Variants in PALS2 observed in about 807,000 individuals in gnomAD.
The protein encoded by PALS2 is protein associated with LIN7 2, MAGUK p55 family member.
A neutral mutation model predicts 61.6 loss-of-function variants in PALS2; 27 were observed. The observed-to-expected ratio is 0.44, with a 90% CI of 0.32 to 0.60. The LOEUF is 0.60. Ranked by LOEUF, PALS2 falls within the 20% of genes least tolerant of loss-of-function variation. The pLI is 0.05. For synonymous variants in PALS2, 236 were observed against 218.6 expected, an observed-to-expected ratio of 1.08 and a Z score of -0.70; for missense variants, 554 against 639.4, an observed-to-expected ratio of 0.87 and a Z score of 1.44.
At chr7:24,641,927 A>G in intron 3 of PALS2, 59 bp downstream of exon 3, 1 of 1,534,166 alleles carries the variant, frequency 6.5e-7, no homozygotes, top group Non-Finnish European at 8.9e-7. Flanking sequence ...ATTCTCCTTT[A>G]CTTTCCAGTT....
rs572159968 is a variant in PALS2 at position 24,692,185 on chromosome 7, A to G, written c.*4571A>G. 308 of 152,298 alleles carry G rather than the reference A, an allele frequency of 2.0e-3. No individual in the cohort carries two copies. Among genetic ancestry groups the G allele is most frequent in the African/African-American group, 6.9e-3 (287 of 41,572 alleles). The allele number at this position is 152,298 out of a possible 1,614,324, so 9.4% of individuals were successfully genotyped here. A position where few individuals can be genotyped will look rare whatever the true frequency, so the allele number is the denominator to read the frequency against. ...AGTCCTTAATATACTAAACAGTGAA[A>G]GAATGATGATATCTCATTTCTAAAG... On this transcript the variant is annotated 3_prime_UTR_variant, in exon 12 of 12. Coordinates refer to ENST00000222644, the MANE Select transcript of PALS2 (RefSeq NM_001303037.2).
chr7:24,655,396 C>A (rs1786363260), intron 5 of PALS2, among the ~76,000 whole-genome samples: 1 of 151,920 alleles, frequency 6.6e-6, no homozygotes, highest in African/African-American at 2.4e-5. Flanking sequence ...GTTTGTGAAC[C>A]CAGGATTCAG....
intron 1 of PALS2, among the ~76,000 whole-genome samples, chr7:24,607,595 G>GTATGTGTATATATACATATA (rs1783958601): frequency 7.6e-6 from 1 of 131,496 alleles, no homozygotes; most frequent in Admixed American, 7.2e-5. Context: ...ATACATATAT[G>GTATGTGTATATATACATATA]TGTGTGTATA....
intron 1 of PALS2, among the ~76,000 whole-genome samples, chr7:24,604,137 G>T (rs1185017137): frequency 6.7e-6 from 1 of 149,472 alleles, no homozygotes; most frequent in African/African-American, 2.5e-5. Flanking sequence ...CTTGAGCCCG[G>T]TAGTTCAAGA....
chr7:24,613,122 T>C (rs1274800649), intron 1 of PALS2, among the ~76,000 whole-genome samples: 1 of 149,814 alleles, frequency 6.7e-6, no homozygotes, highest in African/African-American at 2.5e-5. Flanking sequence ...TTTTGAAGTC[T>C]ATGTAGAAAT....
chr7:24,687,426 A>G lies in PALS2; in HGVS notation c.1447-12A>G. 1 of 1,600,498 alleles carries G rather than the reference A, an allele frequency of 6.2e-7. No individual in the cohort carries two copies. Among genetic ancestry groups the G allele is most frequent in the Non-Finnish European group, 8.5e-7 (1 of 1,175,008 alleles). On this transcript the variant is annotated splice_polypyrimidine_tract_variant and intron_variant, in intron 11 of 11. Transcript: ENST00000222644. The surrounding 1 kb of genome is among the most constrained non-coding windows in gnomAD (Gnocchi z 4.5). ...TGTAATACAAACATTTCCTTTTAAA[A>G]CTCTTCAACAGGACTCTGACTTGAA...
At chr7:24,625,415 A>C (rs1288114377) in intron 2 of PALS2, among the ~76,000 whole-genome samples, 1 of 152,358 alleles carries the variant, frequency 6.6e-6, no homozygotes. Flanking sequence ...CTTCACAACA[A>C]CTTTATGAAT....
At chr7:24,576,124 T>G (rs1782634236) in intron 1 of PALS2, among the ~76,000 whole-genome samples, 1 of 152,226 alleles carries the variant, frequency 6.6e-6, no homozygotes, top group Non-Finnish European at 1.5e-5. Flanking sequence ...GGAGAAAAAT[T>G]ATGCTAGTTT....
intron 1 of PALS2, among the ~76,000 whole-genome samples, chr7:24,588,349 A>G (rs1783155237): frequency 1.3e-5 from 2 of 152,116 alleles, no homozygotes; most frequent in African/African-American, 4.8e-5. Context: ...AATATTTCTA[A>G]ATATTTCTAC....
chr7:24,634,177 C>G (rs1464194912), intron 2 of PALS2, among the ~76,000 whole-genome samples: 1 of 152,096 alleles, frequency 6.6e-6, no homozygotes, highest in African/African-American at 2.4e-5. Flanking sequence ...TATAGATTAT[C>G]TTTTTACTTT....
Position 24,596,341 on chromosome 7 carries a change from G to A in PALS2, c.-3+22748G>A, listed in dbSNP as rs1350850815. On this transcript the variant is annotated intron_variant, in intron 1 of 11. Transcript: ENST00000222644. The surrounding 1 kb of genome is among the most constrained non-coding windows in gnomAD (Gnocchi z 4.5). ...CCATTGTGACCGAATTGAAGAACCAGTTTATCATTGGATCTGTTATGAATT... is the reference window on the plus strand; with the variant it reads ...CCATTGTGACCGAATTGAAGAACCAATTTATCATTGGATCTGTTATGAATT... 1.3e-5 allele frequency among the ~76,000 whole-genome samples: 2 copies of A among 152,072 alleles called. No homozygotes were observed. Among genetic ancestry groups the A allele is most frequent in the Admixed American group, 1.3e-4 (2 of 15,232 alleles).
intron 1 of PALS2, chr7:24,597,266 A>T (rs1280294756): frequency 1.3e-5 from 2 of 152,162 alleles, no homozygotes; most frequent in East Asian, 3.8e-4. Flanking sequence ...AAATGAGATC[A>T]CTCAAGAAAA....
chr7:24,579,074 C>A (rs907783656), intron 1 of PALS2, among the ~76,000 whole-genome samples: 1 of 152,058 alleles, frequency 6.6e-6, no homozygotes, highest in African/African-American at 2.4e-5. Flanking sequence ...TATAAAGTAC[C>A]TACTAACCAA....
intron 5 of PALS2, among the ~76,000 whole-genome samples, chr7:24,655,630 A>ATTTTTT (rs770410952): frequency 1.0e-4 from 10 of 96,924 alleles, no homozygotes; most frequent in South Asian, 4.1e-4. Flanking sequence ...TAGTTAGTAG[A>ATTTTTT]TTTTTTTTTT....
intron 5 of PALS2, among the ~76,000 whole-genome samples, chr7:24,652,932 A>G (rs2128079970): frequency 6.6e-6 from 1 of 152,286 alleles, no homozygotes; most frequent in East Asian, 1.9e-4. Flanking sequence ...TTAAATTTTG[A>G]GGGCCAGAGT....
At chr7:24,675,813 C>A (rs1266836041) in intron 9 of PALS2, among the ~76,000 whole-genome samples, 2 of 122,582 alleles carry the variant, frequency 1.6e-5, no homozygotes, top group Non-Finnish European at 3.2e-5. Context: ...TGGATTGGTT[C>A]CAAGTCTTTG....
At chr7:24,657,312 C>G (rs1786471578) in intron 5 of PALS2, among the ~76,000 whole-genome samples, 1 of 152,140 alleles carries the variant, frequency 6.6e-6, no homozygotes, top group African/African-American at 2.4e-5. Flanking sequence ...GTTAGTATAA[C>G]AACTTAAATT....
chr7:24,675,229 A>G (rs899733010), intron 9 of PALS2, among the ~76,000 whole-genome samples: 5 of 152,162 alleles, frequency 3.3e-5, no homozygotes, highest in Admixed American at 3.3e-4. Context: ...CAAGCAGCGC[A>G]TTCCCCTATA....
intron 9 of PALS2, among the ~76,000 whole-genome samples, chr7:24,677,213 A>G: frequency 6.6e-6 from 1 of 152,122 alleles, no homozygotes; most frequent in Admixed American, 6.5e-5. Context: ...ATTTTTATGC[A>G]TTGATTTTGT....
Sources: allele counts gnomAD v4.1 joint callset (sites outside exome capture counted in the v4.1 genomes callset), GRCh38; gene constraint gnomAD v4.1.1; non-coding constraint Gnocchi (gnomAD v3.1); transcripts MANE v1.5; gene names NCBI Gene and HGNC (gene_info 2026-07-23, HGNC 2026-07-21).